Variants in CDH13 observed in about 807,000 individuals in gnomAD.
CDH13 encodes cadherin 13.
In CDH13, 24 loss-of-function variants were observed where a neutral mutation model predicts 63.8. The observed-to-expected ratio is 0.38, with a 90% CI of 0.27 to 0.53. CDH13 has a LOEUF of 0.53. Ranked by LOEUF, CDH13 falls within the 20% of genes least tolerant of loss-of-function variation. CDH13 has a pLI of 0.85. For missense variants in CDH13, 1,049 were observed against 903.1 expected (o/e 1.16, Z -2.07); for synonymous variants, 503 against 355.3 (o/e 1.42, Z -4.67).
intron 10 of CDH13, among the ~76,000 whole-genome samples, chr16:83,720,194 C>G (rs1909501406): frequency 6.6e-6 from 1 of 152,142 alleles, no homozygotes; most frequent in Admixed American, 6.5e-5. Flanking sequence ...CACACACACA[C>G]ACGTTCACAC....
At chr16:83,476,306 G>C in intron 6 of CDH13, among the ~76,000 whole-genome samples, 1 of 152,136 alleles carries the variant, frequency 6.6e-6, no homozygotes, top group Non-Finnish European at 1.5e-5. Context: ...ATTGCCAAAT[G>C]TTCCCTAGAG....
chr16:83,617,755 T>C (rs1372247649), intron 8 of CDH13, among the ~76,000 whole-genome samples: 1 of 151,782 alleles, frequency 6.6e-6, no homozygotes, highest in Non-Finnish European at 1.5e-5. Flanking sequence ...CATATCCTAA[T>C]ATGCATATAT....
At chr16:82,955,125 C>G (rs531420218) in intron 2 of CDH13, among the ~76,000 whole-genome samples, 1 of 152,142 alleles carries the variant, frequency 6.6e-6, no homozygotes. Flanking sequence ...GGATATGCAC[C>G]TACCTAGGAT....
chr16:82,895,600 A>T (rs2041228266), intron 2 of CDH13, among the ~76,000 whole-genome samples: 1 of 152,106 alleles, frequency 6.6e-6, no homozygotes, highest in Admixed American at 6.6e-5. Flanking sequence ...GGGATAAATG[A>T]CATGCATTCA....
chr16:83,480,074 C>T (rs943027902), intron 6 of CDH13, among the ~76,000 whole-genome samples: 1 of 152,184 alleles, frequency 6.6e-6, no homozygotes, highest in African/African-American at 2.4e-5. Context: ...TCTGTAATCC[C>T]AGCACTTTGG....
chr16:82,755,432 G>A (rs538610628), intron 1 of CDH13, among the ~76,000 whole-genome samples: 2 of 152,352 alleles, frequency 1.3e-5, no homozygotes, highest in East Asian at 1.9e-4. Flanking sequence ...GGAGGATGAA[G>A]CTGAAGTCTC....
chr16:83,113,149 C>T (rs1372304321), intron 3 of CDH13, among the ~76,000 whole-genome samples: 28 of 152,180 alleles, frequency 1.8e-4, no homozygotes, highest in Admixed American at 1.8e-3. Context: ...TCTGGTTTAA[C>T]AAAAGGGAGA....
intron 5 of CDH13, among the ~76,000 whole-genome samples, chr16:83,220,310 A>T (rs1262015985): frequency 1.3e-5 from 2 of 152,174 alleles, no homozygotes; most frequent in Non-Finnish European, 2.9e-5. Flanking sequence ...ATGTTGGTCT[A>T]CTTTGGGCAC....
At chr16:82,724,265 A>T (rs995991923) in intron 1 of CDH13, among the ~76,000 whole-genome samples, 4 of 151,858 alleles carry the variant, frequency 2.6e-5, no homozygotes, top group Non-Finnish European at 5.9e-5. Flanking sequence ...CCATCTATGC[A>T]TCCTTCCGTC....
chr16:82,895,217 C>G (rs1428352592), intron 2 of CDH13, among the ~76,000 whole-genome samples: 2 of 152,168 alleles, frequency 1.3e-5, no homozygotes, highest in African/African-American at 2.4e-5. Context: ...TCCTCTACCT[C>G]CAGCCCTTGA....
At chr16:82,710,574 T>TATATATATATATATATAA (rs1567650022) in intron 1 of CDH13, among the ~76,000 whole-genome samples, 2 of 122,058 alleles carry the variant, frequency 1.6e-5, no homozygotes, top group African/African-American at 5.7e-5. Flanking sequence ...TATATATATA[T>TATATATATATATATATAA]ATAAATATAT....
chr16:82,674,523 C>T (rs1913670668), intron 1 of CDH13, among the ~76,000 whole-genome samples: 2 of 152,190 alleles, frequency 1.3e-5, no homozygotes, highest in East Asian at 1.9e-4. Context: ...GGGGCAAGTG[C>T]CTGAGTTGAA....
chr16:82,807,856 G>C (rs1423216430), intron 1 of CDH13, among the ~76,000 whole-genome samples: 1 of 152,100 alleles, frequency 6.6e-6, no homozygotes, highest in Admixed American at 6.6e-5. Flanking sequence ...ACTTTATTTA[G>C]GCTCTTCCAT....
chr16:82,658,689 C>A (rs552189716), intron 1 of CDH13, among the ~76,000 whole-genome samples: 1 of 152,192 alleles, frequency 6.6e-6, no homozygotes, highest in Non-Finnish European at 1.5e-5. Flanking sequence ...GAACTTAGCA[C>A]CCCACTCAGC....
intron 5 of CDH13, among the ~76,000 whole-genome samples, chr16:83,220,305 G>C (rs759160908): frequency 1.3e-5 from 2 of 152,136 alleles, no homozygotes; most frequent in Non-Finnish European, 2.9e-5. Context: ...CTCTCATGTT[G>C]GTCTACTTTG....
chr16:83,120,701 C>A (rs2035527623), intron 3 of CDH13, among the ~76,000 whole-genome samples: 1 of 151,568 alleles, frequency 6.6e-6, no homozygotes, highest in Non-Finnish European at 1.5e-5. Context: ...AACAAACCAA[C>A]AGAATCTTCA....
At chr16:83,227,058 A>C (rs1159391022) in intron 5 of CDH13, among the ~76,000 whole-genome samples, 1 of 152,238 alleles carries the variant, frequency 6.6e-6, no homozygotes, top group Non-Finnish European at 1.5e-5. Flanking sequence ...AGTGTGTTGA[A>C]GACCCTTGGG....
chr16:82,844,129 C>T (rs577434900), intron 1 of CDH13, among the ~76,000 whole-genome samples: 2 of 152,166 alleles, frequency 1.3e-5, no homozygotes, highest in African/African-American at 2.4e-5. Flanking sequence ...ATGATGTAAT[C>T]ACAAGCTTAC....
At chr16:83,589,755 A>C (rs1357763923) in intron 7 of CDH13, among the ~76,000 whole-genome samples, 2 of 152,176 alleles carry the variant, frequency 1.3e-5, no homozygotes, top group Non-Finnish European at 2.9e-5. Flanking sequence ...CAGTGTCATT[A>C]TCTCAACCAA....
Sources: gnomAD v4.1 joint callset for allele counts (sites outside exome capture counted in the v4.1 genomes callset) on GRCh38, gnomAD v4.1.1 for gene constraint, MANE v1.5 for transcripts, NCBI Gene and HGNC (gene_info 2026-07-23, HGNC 2026-07-21) for gene names.